The following TDRD1 variants were observed in gnomAD, a reference collection of about 807,000 sequenced individuals.
TDRD1 encodes tudor domain containing 1, also known as tudor domain-containing protein 1.
Under a neutral mutation model 140.6 loss-of-function variants are expected in TDRD1, and 37 were observed. The ratio of observed to expected loss-of-function variants is 0.26; its 90% CI spans 0.20 to 0.35. The LOEUF is 0.35. Ranked by LOEUF, TDRD1 falls within the 10% of genes least tolerant of loss-of-function variation. TDRD1 has a pLI of 1.00. For missense variants in TDRD1, 1,243 were observed against 1,393.0 expected, an observed-to-expected ratio of 0.89 and a Z score of 1.71; for synonymous variants, 506 against 475.7, an observed-to-expected ratio of 1.06 and a Z score of -0.83.
At chr10:114,182,789 A>G (rs1251018364) in intron 1 of TDRD1, among the ~76,000 whole-genome samples, 2 of 150,304 alleles carry the variant, frequency 1.3e-5, no homozygotes, top group Non-Finnish European at 2.9e-5. Context: ...GGTTCATGCC[A>G]TTCTTCTGCC....
exon 17 of TDRD1, chr10:114,217,651 T>C (rs752413646): frequency 3.2e-6 from 5 of 1,573,826 alleles, no homozygotes; most frequent in Non-Finnish European, 3.5e-6. Flanking sequence ...GTGCTTTTTT[T>C]GCAGGTAAGT....
intron 18 of TDRD1, 116 bp from the exon 19 acceptor site, chr10:114,220,452 A>G: frequency 7.4e-6 from 5 of 671,274 alleles, no homozygotes; most frequent in Non-Finnish European, 1.3e-5. Flanking sequence ...AATATTGAAG[A>G]TACTGAGAAT....
intron 17 of TDRD1, among the ~76,000 whole-genome samples, chr10:114,217,910 A>T (rs541627516): frequency 6.6e-6 from 1 of 152,356 alleles, no homozygotes; most frequent in East Asian, 1.9e-4. Flanking sequence ...AAAATAACTT[A>T]GCTCATGGAA....
chr10:114,202,351 G>GC, intron 6 of TDRD1, 53 bp downstream of exon 6: 2 of 1,247,976 alleles, frequency 1.6e-6, no homozygotes, highest in African/African-American at 3.0e-5. Context: ...ATTGAATTAA[G>GC]ATGTAAGATA....
chr10:114,191,193 G>A (rs906909887), intron 3 of TDRD1, among the ~76,000 whole-genome samples, 174 bp downstream of exon 3: 2 of 152,218 alleles, frequency 1.3e-5, no homozygotes, highest in African/African-American at 2.4e-5. Flanking sequence ...TTCACATGCA[G>A]TTGTAAGAAA....
intron 1 of TDRD1, among the ~76,000 whole-genome samples, chr10:114,182,690 C>CT (rs34137706): frequency 0.2 from 28,573 of 144,492 alleles, 2,882 homozygotes; most frequent in African/African-American, 0.24. Context: ...ATACGAATAT[C>CT]TTTTTTTTTT....
intron 1 of TDRD1, among the ~76,000 whole-genome samples, chr10:114,185,893 G>A (rs893287760): frequency 2.6e-5 from 4 of 151,982 alleles, no homozygotes; most frequent in East Asian, 1.9e-4. Flanking sequence ...CTGGCCTAAC[G>A]TTACATCTTT....
intron 22 of TDRD1, 135 bp from the exon 23 acceptor site, chr10:114,226,937 A>T: frequency 1.7e-6 from 1 of 593,050 alleles, no homozygotes; most frequent in South Asian, 2.2e-5. Context: ...TTGTAATGCA[A>T]CAGCAGTAGT....
At chr10:114,195,191 T>A (rs2034259062) in intron 3 of TDRD1, among the ~76,000 whole-genome samples, 1 of 152,240 alleles carries the variant, frequency 6.6e-6, no homozygotes, top group South Asian at 2.1e-4. Context: ...TTGAGTCTAT[T>A]GTGGTCAGAG....
intron 3 of TDRD1, among the ~76,000 whole-genome samples, chr10:114,196,132 A>G (rs1028872047): frequency 2.6e-5 from 4 of 152,186 alleles, no homozygotes; most frequent in African/African-American, 7.2e-5. Context: ...GAGAAAGTCT[A>G]TTGTACTTAC....
At chr10:114,223,368 G>T (rs1260010197) in intron 21 of TDRD1, among the ~76,000 whole-genome samples, 3 of 152,190 alleles carry the variant, frequency 2.0e-5, no homozygotes, top group Non-Finnish European at 1.5e-5. Context: ...TGGGAACAAG[G>T]TCTTGAAAGT....
chr10:114,224,051 C>T (rs1393008729), intron 21 of TDRD1, among the ~76,000 whole-genome samples: 4 of 152,288 alleles, frequency 2.6e-5, no homozygotes, highest in Admixed American at 2.6e-4. Flanking sequence ...TTTTGGATCC[C>T]CAACTTCCCT....
intron 25 of TDRD1, among the ~76,000 whole-genome samples, chr10:114,228,997 C>T (rs1393910588): frequency 6.6e-6 from 1 of 152,078 alleles, no homozygotes; most frequent in Non-Finnish European, 1.5e-5. Flanking sequence ...ACAGGAGAAT[C>T]GCTTGAATCC....
intron 10 of TDRD1, 65 bp from the exon 11 acceptor site, chr10:114,206,179 A>T: frequency 8.1e-7 from 1 of 1,228,436 alleles, no homozygotes; most frequent in Non-Finnish European, 1.2e-6. Flanking sequence ...TTTCTTCTTT[A>T]CGCTTTTCCC....
At chr10:114,227,689 G>T (rs770694873) in intron 23 of TDRD1, among the ~76,000 whole-genome samples, 2 of 152,204 alleles carry the variant, frequency 1.3e-5, no homozygotes, top group African/African-American at 2.4e-5. Context: ...CAATCAAAAA[G>T]AGAGATGATT....
At chr10:114,230,061 G>A (rs2036672003) in intron 25 of TDRD1, among the ~76,000 whole-genome samples, 1 of 152,082 alleles carries the variant, frequency 6.6e-6, no homozygotes, top group South Asian at 2.1e-4. Flanking sequence ...TCGATCTCCT[G>A]ACCTCGTGAT....
chr10:114,187,154 T>C (rs1334613331), intron 1 of TDRD1, among the ~76,000 whole-genome samples: 1 of 152,242 alleles, frequency 6.6e-6, no homozygotes. Flanking sequence ...CTTGGAAAGC[T>C]TGCAACATTT....
At chr10:114,213,164 A>G (rs2035597867) in intron 14 of TDRD1, among the ~76,000 whole-genome samples, 182 bp from the exon 15 acceptor site, 1 of 152,094 alleles carries the variant, frequency 6.6e-6, no homozygotes, top group African/African-American at 2.4e-5. Flanking sequence ...GGAATGAACC[A>G]TTGCCCACCA....
exon 19 of TDRD1, chr10:114,220,636 A>T (rs1564691426): frequency 6.2e-7 from 1 of 1,613,500 alleles, no homozygotes; most frequent in African/African-American, 1.3e-5. Context: ...TGTTGCTGGG[A>T]TAAAATTGCA....
Sources: allele counts gnomAD v4.1 joint callset (sites outside exome capture counted in the v4.1 genomes callset), GRCh38; gene constraint gnomAD v4.1.1; transcripts MANE v1.5; gene names NCBI Gene and HGNC (gene_info 2026-07-23, HGNC 2026-07-21).